Variants in CADPS observed in about 807,000 individuals in gnomAD.
CADPS encodes the protein calcium dependent secretion activator.
Under a neutral mutation model 167.3 loss-of-function variants are expected in CADPS, and 57 were observed. That is an observed-to-expected ratio of 0.34 (90% CI 0.28 to 0.42). The LOEUF is 0.42. Ranked by LOEUF, CADPS falls within the 20% of genes least tolerant of loss-of-function variation. The pLI, the probability that CADPS is intolerant of heterozygous loss-of-function variation, is 1.00. For synonymous variants in CADPS, 676 were observed against 635.3 expected, an observed-to-expected ratio of 1.06 and a Z score of -0.96; for missense variants, 1,414 against 1,738.1, an observed-to-expected ratio of 0.81 and a Z score of 3.32.
chr3:62,706,459 T>C (rs2082319444), intron 3 of CADPS, among the ~76,000 whole-genome samples: 1 of 152,056 alleles, frequency 6.6e-6, no homozygotes, highest in Non-Finnish European at 1.5e-5. Flanking sequence ...AAAAGAACTA[T>C]ATGGGTTTGC....
At chr3:62,400,085 T>C (rs1447422019) in intron 29 of CADPS, among the ~76,000 whole-genome samples, 2 of 152,230 alleles carry the variant, frequency 1.3e-5, no homozygotes, top group Admixed American at 1.3e-4. Context: ...GACAGACATA[T>C]GTATGTTGGT....
intron 19 of CADPS, 111 bp from the exon 20 acceptor site, chr3:62,492,557 G>A: frequency 2.9e-6 from 3 of 1,051,556 alleles, no homozygotes; most frequent in Non-Finnish European, 1.4e-6. Flanking sequence ...CATCCAGCAG[G>A]GTTTGGTAAT....
At chr3:62,502,325 T>C (rs1280985729) in intron 17 of CADPS, among the ~76,000 whole-genome samples, 1 of 152,100 alleles carries the variant, frequency 6.6e-6, no homozygotes, top group South Asian at 2.1e-4. Context: ...TTTTGGCCAC[T>C]TAACGCTGTC....
chr3:62,811,483 C>A (rs2152869796), intron 1 of CADPS, among the ~76,000 whole-genome samples: 1 of 152,284 alleles, frequency 6.6e-6, no homozygotes, highest in South Asian at 2.1e-4. Flanking sequence ...TAATTGCAAA[C>A]CTACCATTTG....
At chr3:62,822,549 G>A (rs2073170433) in intron 1 of CADPS, among the ~76,000 whole-genome samples, 1 of 151,952 alleles carries the variant, frequency 6.6e-6, no homozygotes, top group Non-Finnish European at 1.5e-5. Flanking sequence ...GAAACATTAA[G>A]AGACAAGGTC....
chr3:62,607,807 C>G (rs1303235350), intron 6 of CADPS, among the ~76,000 whole-genome samples: 1 of 152,228 alleles, frequency 6.6e-6, no homozygotes. Flanking sequence ...TCCCCAGGGA[C>G]TGGCTTGTGG....
chr3:62,490,361 T>G (rs946495614), intron 21 of CADPS, among the ~76,000 whole-genome samples: 4 of 152,074 alleles, frequency 2.6e-5, no homozygotes, highest in Non-Finnish European at 5.9e-5. Flanking sequence ...GCAGTAGGCT[T>G]TACTGGAGCT....
intron 6 of CADPS, among the ~76,000 whole-genome samples, chr3:62,636,469 C>T (rs1355041771): frequency 6.6e-6 from 1 of 152,150 alleles, no homozygotes; most frequent in Admixed American, 6.6e-5. Flanking sequence ...ACCAAGGAAC[C>T]CAGGTGACTC....
At chr3:62,851,383 A>G (rs2078551090) in intron 1 of CADPS, among the ~76,000 whole-genome samples, 2 of 135,362 alleles carry the variant, frequency 1.5e-5, no homozygotes, top group African/African-American at 5.5e-5. Context: ...TGGTCGTTAC[A>G]TTTTGGCATG....
At chr3:62,733,204 C>T (rs2078274739) in intron 3 of CADPS, among the ~76,000 whole-genome samples, 1 of 152,194 alleles carries the variant, frequency 6.6e-6, no homozygotes, top group African/African-American at 2.4e-5. Context: ...CCCATCTCTA[C>T]ACAGGCAAAT....
chr3:62,723,310 C>T (rs117410711), intron 3 of CADPS, among the ~76,000 whole-genome samples: 2 of 152,140 alleles, frequency 1.3e-5, no homozygotes, highest in Non-Finnish European at 2.9e-5. Flanking sequence ...CTGCTGAACC[C>T]GAGTGTGACC....
chr3:62,766,053 T>C, intron 1 of CADPS, 69 bp from the exon 2 acceptor site: 1 of 1,119,710 alleles, frequency 8.9e-7, no homozygotes, highest in Non-Finnish European at 1.4e-6. Context: ...TACTTTATGC[T>C]GAAGATGCCA....
intron 6 of CADPS, among the ~76,000 whole-genome samples, chr3:62,606,789 G>A (rs1301505469): frequency 6.6e-6 from 1 of 152,194 alleles, no homozygotes; most frequent in Non-Finnish European, 1.5e-5. Flanking sequence ...TGTCACCAAT[G>A]TGAGCAAAGC....
chr3:62,812,883 G>T (rs2094451599), intron 1 of CADPS, among the ~76,000 whole-genome samples: 1 of 152,084 alleles, frequency 6.6e-6, no homozygotes, highest in African/African-American at 2.4e-5. Flanking sequence ...TGACTTTCTG[G>T]TGGAAATTAA....
At chr3:62,472,842 G>A (rs963409061) in intron 24 of CADPS, among the ~76,000 whole-genome samples, 2 of 152,320 alleles carry the variant, frequency 1.3e-5, no homozygotes, top group East Asian at 1.9e-4. Flanking sequence ...CCCCAAGGGG[G>A]GCTATCCTTC....
chr3:62,728,158 G>A (rs2077090312), intron 3 of CADPS, among the ~76,000 whole-genome samples: 1 of 151,510 alleles, frequency 6.6e-6, no homozygotes, highest in Admixed American at 6.6e-5. Context: ...TGCGGTTTTT[G>A]CAATTATAAG....
At chr3:62,786,610 A>G (rs1430725013) in intron 1 of CADPS, among the ~76,000 whole-genome samples, 1 of 152,178 alleles carries the variant, frequency 6.6e-6, no homozygotes, top group African/African-American at 2.4e-5. Context: ...ATGCCACTGC[A>G]CTTCAGCCTG....
At chr3:62,518,444 T>C (rs1347776337) in intron 13 of CADPS, among the ~76,000 whole-genome samples, 194 bp from the exon 14 acceptor site, 1 of 152,202 alleles carries the variant, frequency 6.6e-6, no homozygotes, top group Non-Finnish European at 1.5e-5. Context: ...TTTGGAAACA[T>C]GTGCAGAGCT....
chr3:62,737,106 C>A (rs2079126078), intron 3 of CADPS, among the ~76,000 whole-genome samples: 1 of 151,908 alleles, frequency 6.6e-6, no homozygotes, highest in Non-Finnish European at 1.5e-5. Context: ...CCACTGCACT[C>A]CAGCCTGGGC....
Sources: allele counts gnomAD v4.1 joint callset (sites outside exome capture counted in the v4.1 genomes callset), GRCh38; gene constraint gnomAD v4.1.1; transcripts MANE v1.5; gene names NCBI Gene and HGNC (gene_info 2026-07-23, HGNC 2026-07-21).